Variants in MUC22 observed in about 807,000 individuals in gnomAD.
MUC22 encodes the protein mucin-22.
MUC22 carries 24 observed loss-of-function variants against 40.3 expected under a neutral mutation model. That is an observed-to-expected ratio of 0.60 (90% CI 0.43 to 0.84). MUC22 has a LOEUF of 0.84. Ranked by LOEUF, MUC22 falls within the 40% of genes least tolerant of loss-of-function variation. MUC22 has a pLI of 0.00. For synonymous variants in MUC22, 765 were observed against 844.5 expected (o/e 0.91, Z 1.63); for missense variants, 1,926 against 2,130.7 (o/e 0.90, Z 1.89).
chr6:31,010,170 G>A (rs1429536583), upstream of MUC22, among the ~76,000 whole-genome samples: 1 of 152,034 alleles, frequency 6.6e-6, no homozygotes, highest in Non-Finnish European at 1.5e-5. Flanking sequence ...CTCCTGCTTT[G>A]AAAATGAGGC....
chr6:31,022,414 C>T (rs1203697912), intron 1 of MUC22, among the ~76,000 whole-genome samples: 1 of 152,052 alleles, frequency 6.6e-6, no homozygotes, highest in Admixed American at 6.5e-5. Flanking sequence ...GCCTCTGCTT[C>T]CCAAAATGCT....
upstream of MUC22, among the ~76,000 whole-genome samples, chr6:31,009,813 G>A (rs1763743502): frequency 6.6e-6 from 1 of 152,184 alleles, no homozygotes; most frequent in African/African-American, 2.4e-5. Context: ...GGTGAGTCAG[G>A]GTCCCTGACC....
exon 2 of MUC22, chr6:31,025,519 G>A: frequency 6.6e-7 from 1 of 1,506,552 alleles, no homozygotes; most frequent in Non-Finnish European, 8.8e-7. Flanking sequence ...GAATACCACA[G>A]CCTTCACAAA....
chr6:31,017,842 C>T (rs1050779914), intron 1 of MUC22, among the ~76,000 whole-genome samples: 6 of 152,166 alleles, frequency 3.9e-5, no homozygotes, highest in Non-Finnish European at 5.9e-5. Context: ...AGTGGCAATC[C>T]GCTTGGGTAC....
exon 2 of MUC22, chr6:31,028,514 C>G: frequency 6.5e-7 from 1 of 1,533,248 alleles, no homozygotes; most frequent in South Asian, 1.2e-5. Flanking sequence ...ACCATGGCAT[C>G]CATCATGGGC....
At chr6:31,026,726 C>T (rs1296152518) in exon 2 of MUC22, 2 of 1,504,976 alleles carry the variant, frequency 1.3e-6, no homozygotes. Context: ...GTCTTCACTG[C>T]AGGCTCGGAA....
At chr6:31,009,091 C>T (rs1355510078), upstream of MUC22, among the ~76,000 whole-genome samples, 1 of 152,178 alleles carries the variant, frequency 6.6e-6, no homozygotes, top group Non-Finnish European at 1.5e-5. Context: ...AGTTCCAGAA[C>T]TCATTCTTCT....
exon 2 of MUC22, chr6:31,028,721 C>G (rs1176638742): frequency 2.0e-6 from 3 of 1,530,606 alleles, no homozygotes; most frequent in Non-Finnish European, 2.6e-6. Context: ...ACCACCACCA[C>G]CACCTCTACT....
chr6:31,020,579 C>T (rs1764610064), intron 1 of MUC22, among the ~76,000 whole-genome samples: 1 of 151,918 alleles, frequency 6.6e-6, no homozygotes, highest in Admixed American at 6.6e-5. Context: ...AGAGCCCTCG[C>T]TTGCTCTCAG....
chr6:31,026,039 C>T (rs1562601258), exon 2 of MUC22: 5 of 1,530,776 alleles, frequency 3.3e-6, no homozygotes, highest in East Asian at 2.4e-5. Context: ...ACTGCAAGCT[C>T]TGAGGCCACT....
intron 1 of MUC22, among the ~76,000 whole-genome samples, chr6:31,024,156 C>T (rs1765086244): frequency 6.6e-6 from 1 of 152,034 alleles, no homozygotes; most frequent in Non-Finnish European, 1.5e-5. Flanking sequence ...TTATGAAGAT[C>T]AAAGGAAGAC....
intron 1 of MUC22, among the ~76,000 whole-genome samples, chr6:31,013,691 T>G (rs1443392884): frequency 1.3e-5 from 2 of 152,182 alleles, no homozygotes; most frequent in Non-Finnish European, 2.9e-5. Context: ...AGAGACAAGA[T>G]CTCACTCTGT....
chr6:31,010,890 CATTT>C (rs750813027), intron 1 of MUC22, 114 bp downstream of exon 1: 7 of 474,270 alleles, frequency 1.5e-5, no homozygotes, highest in African/African-American at 3.4e-5. Context: ...AATGATGATT[CATTT>C]TTTTTTTTTT....
exon 2 of MUC22, chr6:31,028,609 G>C (rs1210180392): frequency 6.5e-7 from 1 of 1,533,216 alleles, no homozygotes; most frequent in East Asian, 2.5e-5. Context: ...AGTCTTCACT[G>C]AAAACTCTGA....
chr6:31,023,789 A>G (rs564919694), intron 1 of MUC22, among the ~76,000 whole-genome samples: 9 of 152,210 alleles, frequency 5.9e-5, no homozygotes, highest in Non-Finnish European at 1.2e-4. Flanking sequence ...TTAGAAAAAA[A>G]TTGAGTGACT....
rs2150738885 is a variant in MUC22, at chr6:31,010,678, A to G, written c.-29A>G. On this transcript the variant is annotated 5_prime_UTR_variant, in exon 1 of 4. An upstream start codon of the reference 5' UTR is lost. Transcript: ENST00000561890. The stretch of plus-strand genomic sequence containing the variant: ...CTTCCTTTGGAACCCAGGCATCTAA[A>G]TGACAACTTCTATGTGCATCATTTA... 1.4e-6 allele frequency: 1 copy of G among 702,448 alleles called. No individual in the cohort carries two copies. Among genetic ancestry groups the G allele is most frequent in the South Asian group, 1.5e-5 (1 of 67,564 alleles). The allele number at this position is 702,448 out of a possible 1,614,324, so 43.5% of individuals were successfully genotyped here.
In MUC22 at chr6:31,030,534, T is replaced by A. The variant is rs200180759; in HGVS notation, c.4669+434T>A. On this transcript the variant is annotated intron_variant, in intron 2 of 3. Transcript: ENST00000561890. ...TCCGTCTCAAAAAAAAAAAAAAAAATGTCCTCTTCTGGAATCCTAATTGCC... is the reference window on the plus strand; with the variant it reads ...TCCGTCTCAAAAAAAAAAAAAAAAAAGTCCTCTTCTGGAATCCTAATTGCC... Among the ~76,000 whole-genome samples, 377 of 97,026 alleles carry A rather than the reference T, an allele frequency of 3.9e-3. 4 individuals carry two copies. The highest frequency in any genetic ancestry group is 0.016 in the Middle Eastern group (3 of 188). The allele number at this position is 97,026 out of a possible 152,430, so 63.7% of individuals were successfully genotyped here.
exon 2 of MUC22, chr6:31,026,834 C>A (rs1399002289): frequency 1.3e-6 from 2 of 1,490,932 alleles, no homozygotes; most frequent in South Asian, 1.2e-5. Context: ...GAGACCACAA[C>A]AGCCTCTACT....
At position 31,032,093 on chromosome 6, in the gene MUC22, C is replaced by A; in HGVS notation, c.4670-103C>A. ...CACCACACCTCTCCTGAGCCACCTC[C>A]ACCATAGGTTTGTTAGATTCACCCT... On this transcript the variant is annotated intron_variant, in intron 2 of 3. Coordinates refer to ENST00000561890, the Ensembl canonical transcript of MUC22. This position sits in a 1 kb window ranked among gnomAD's most constrained non-coding sequence, Gnocchi z 4.1. 1 of 1,308,260 alleles carries A rather than the reference C, an allele frequency of 7.6e-7. No individual in the cohort carries two copies. Among genetic ancestry groups the A allele is most frequent in the Non-Finnish European group, 1.0e-6 (1 of 978,022 alleles). 81.0% of individuals were successfully genotyped at this position (1,308,260 alleles called of 1,614,324 possible).
Sources: gnomAD v4.1 joint callset for allele counts (sites outside exome capture counted in the v4.1 genomes callset) on GRCh38, gnomAD v4.1.1 for gene constraint, Gnocchi (gnomAD v3.1) non-coding constraint, MANE v1.5 for transcripts, NCBI Gene and HGNC (gene_info 2026-07-23, HGNC 2026-07-21) for gene names.